UBE4B: variants seen among roughly 807,000 people sequenced by gnomAD.
UBE4B encodes the protein ubiquitination factor E4B.
A neutral mutation model predicts 148.1 loss-of-function variants in UBE4B; 27 were observed. The ratio of observed to expected loss-of-function variants is 0.18; its 90% confidence interval spans 0.13 to 0.25. The LOEUF (loss-of-function observed/expected upper bound fraction) is 0.25, where lower values mean the gene tolerates loss of function less well. Ranked by LOEUF, UBE4B falls within the 10% of genes least tolerant of loss-of-function variation. UBE4B has a pLI of 1.00. For missense variants in UBE4B, 1,170 were observed against 1,662.4 expected, an observed-to-expected ratio of 0.70 and a Z score of 5.15; for synonymous variants, 596 against 619.3, an observed-to-expected ratio of 0.96 and a Z score of 0.56.
chr1:10,067,270 TAAG>T (rs1225498059), intron 1 of UBE4B, among the ~76,000 whole-genome samples: 2 of 152,126 alleles, frequency 1.3e-5, no homozygotes, highest in African/African-American at 2.4e-5. Flanking sequence ...GTTTGTGAAA[TAAG>T]AACTGAAACA....
In UBE4B at chr1:10,101,787, G is replaced by A. The variant is rs534464928; in HGVS notation, c.435+592G>A. Among the ~76,000 whole-genome samples, 28 of 152,232 alleles carry A rather than the reference G, an allele frequency of 1.8e-4. No individual in the cohort carries two copies. In the South Asian group the frequency reaches 4.8e-3, roughly 26 times the overall value. ...CTTCCCAAAGTGTGGGATTACAGGC[G>A]TGAGCCACTGCGCCTGGCCTGGTCT... On this transcript the variant is annotated intron_variant, in intron 4 of 27. Transcript: ENST00000343090.
Position 10,130,853 on chromosome 1 carries a change from A to G in UBE4B, c.1911+40A>G, listed in dbSNP as rs201833160. 20 of 1,565,844 alleles carry G rather than the reference A, an allele frequency of 1.3e-5. 1 individual carries two copies. The East Asian group carries it at 4.3e-4, about 33-fold the overall frequency. ...AACAAATCCAGAGGAAGTATCAAAG[A>G]TGAGCTCCAGATACAGAGCTTTTAT... is the stretch of plus-strand genomic sequence containing the variant. On this transcript the variant is annotated intron_variant, in intron 14 of 27. Transcript: ENST00000343090.
In UBE4B at chr1:10,146,983, C is replaced by G. The variant is rs1258177726; in HGVS notation, c.2484C>G (p.Ala828=). The G allele has an allele frequency of 3.1e-6, 5 of 1,614,044 alleles. No individual in the cohort carries two copies. The highest frequency in any genetic ancestry group is 2.2e-5 in the South Asian group (2 of 91,070). The part of the protein sequence containing the change: ...TQLKKLVRCK[A]CADAGLLDES... ...CACAGAAACTGGTACGGTGCAAGGC[C>G]TGTGCTGATGCTGGCCTACTTGACG... The change falls in exon 19 of 28, where the codon GCC becomes GCG. Residue 828 remains alanine, a synonymous_variant. Transcript: ENST00000343090.
intron 17 of UBE4B, among the ~76,000 whole-genome samples, chr1:10,142,712 G>A (rs1003226771): frequency 6.6e-6 from 1 of 151,920 alleles, no homozygotes; most frequent in African/African-American, 2.4e-5. Flanking sequence ...AGGCTCTAGG[G>A]GAGAATCTCC....
intron 10 of UBE4B, 29 bp from the exon 11 acceptor site, chr1:10,126,765 T>C (rs1185745338): frequency 3.8e-6 from 6 of 1,568,724 alleles, no homozygotes; most frequent in South Asian, 3.3e-5. Flanking sequence ...CTTAAACTTA[T>C]ATTTCTGATT....
At chr1:10,042,560 T>C (rs1643812564) in intron 1 of UBE4B, among the ~76,000 whole-genome samples, 1 of 152,150 alleles carries the variant, frequency 6.6e-6, no homozygotes, top group South Asian at 2.1e-4. Context: ...GGCAGGAGAA[T>C]AGCTTGAACC....
At chr1:10,111,580 A>G (rs1645222811) in intron 7 of UBE4B, among the ~76,000 whole-genome samples, 1 of 152,210 alleles carries the variant, frequency 6.6e-6, no homozygotes, top group Non-Finnish European at 1.5e-5. Flanking sequence ...AGCAGTGCCT[A>G]GAACACAGAA....
chr1:10,046,840 T>C (rs1046295498), intron 1 of UBE4B, among the ~76,000 whole-genome samples: 1 of 152,216 alleles, frequency 6.6e-6, no homozygotes, highest in African/African-American at 2.4e-5. Flanking sequence ...CTGAAAACTT[T>C]GATTGTAGAC....
intron 1 of UBE4B, among the ~76,000 whole-genome samples, chr1:10,036,005 A>G (rs969463697): frequency 3.3e-5 from 5 of 151,800 alleles, no homozygotes; most frequent in African/African-American, 1.2e-4. Flanking sequence ...CGGCCTTCCA[A>G]AGTGCTGGGA....
chr1:10,098,363 A>G (rs1644961438), intron 3 of UBE4B, among the ~76,000 whole-genome samples: 1 of 152,182 alleles, frequency 6.6e-6, no homozygotes, highest in South Asian at 2.1e-4. Context: ...ATTCATGGTA[A>G]TAAGAAAATG....
intron 7 of UBE4B, among the ~76,000 whole-genome samples, chr1:10,114,613 C>T: frequency 6.6e-6 from 1 of 152,114 alleles, no homozygotes; most frequent in East Asian, 1.9e-4. Context: ...CCTGTAATCC[C>T]AGCACTTTGT....
At chr1:10,081,814 C>T (rs1387726120) in intron 2 of UBE4B, among the ~76,000 whole-genome samples, 1 of 152,150 alleles carries the variant, frequency 6.6e-6, no homozygotes, top group East Asian at 1.9e-4. Flanking sequence ...GTCTCGAACT[C>T]CTGACCTCAG....
intron 25 of UBE4B, among the ~76,000 whole-genome samples, chr1:10,172,266 G>A (rs1286103954): frequency 6.6e-6 from 1 of 152,160 alleles, no homozygotes; most frequent in South Asian, 2.1e-4. Flanking sequence ...TCCATGGTCC[G>A]TTCTGCCTCA....
chr1:10,086,116 C>T (rs574164085), intron 2 of UBE4B, among the ~76,000 whole-genome samples: 6 of 152,172 alleles, frequency 3.9e-5, no homozygotes, highest in South Asian at 4.1e-4. Flanking sequence ...GGACTACAGG[C>T]GCCCGCCACC....
At position 10,126,866 on chromosome 1, in the gene UBE4B, T is replaced by C; in HGVS notation, c.1627T>C (p.Tyr543His). 6.2e-7 allele frequency: 1 copy of C among 1,613,914 alleles called. No individual in the cohort carries two copies. The highest frequency in any genetic ancestry group is 8.5e-7 in the Non-Finnish European group (1 of 1,179,794). The change falls in exon 11 of 28, where the codon TAC becomes CAC. Residue 543 changes from tyrosine to histidine, a missense_variant. By Grantham distance (83) the Tyr-to-His change is moderately conservative. This residue lies in a region of UBE4B where 388 missense variants were observed against 536.0 expected (regional missense o/e 0.72). Coordinates refer to ENST00000343090, the MANE Select transcript of UBE4B (RefSeq NM_001105562.3). Reference sequence around the variant, plus strand: ...CTCCCTCGACAGTGACTACTTTAAATACCCCCTCATGGTAAAACTTTGTTC... The same window carrying C: ...CTCCCTCGACAGTGACTACTTTAAACACCCCCTCATGGTAAAACTTTGTTC... ...ECSLDSDYFK[Y>H]PLMALGELCE...
chr1:10,084,339 T>G (rs1226524598), intron 2 of UBE4B, among the ~76,000 whole-genome samples: 4 of 152,194 alleles, frequency 2.6e-5, no homozygotes, highest in Non-Finnish European at 1.5e-5. Flanking sequence ...CCAATTATAA[T>G]CTAATCCGAG....
At position 10,095,519 on chromosome 1, in the gene UBE4B, T is replaced by C. The variant is rs1644916808; in HGVS notation, c.270T>C (p.Ser90=). ...TCAGTTCTCTCAGCAGCTCGCCCTC[T>C]AATAGCCTTGAAACGCAATCTCAGT... ...EGVSSLSSSP[S]NSLETQSQSL... The change falls in exon 3 of 28, where the codon TCT becomes TCC. Residue 90 remains serine, a synonymous_variant. Coordinates refer to ENST00000343090, the MANE Select transcript of UBE4B (RefSeq NM_001105562.3). The C allele has an allele frequency of 1.9e-6, 3 of 1,614,090 alleles. No individual in the cohort carries two copies. Among genetic ancestry groups the C allele is most frequent in the African/African-American group, 1.3e-5 (1 of 74,934 alleles).
At chr1:10,144,898 C>T (rs1466085578) in intron 17 of UBE4B, 42 bp from the exon 18 acceptor site, 1 of 1,469,174 alleles carries the variant, frequency 6.8e-7, no homozygotes, top group African/African-American at 1.4e-5. Context: ...TAAGATGGAT[C>T]CGGCTGTTTT....
chr1:10,151,322 T>C lies in UBE4B; in HGVS notation c.2691-4T>C. ...TCTTTCTTGCTCTTCTTGCCTCTGT[T>C]CAGATACTCTCCCCAGGCGCTTTAT... On this transcript the variant is annotated splice_region_variant and splice_polypyrimidine_tract_variant and intron_variant, in intron 20 of 27. Transcript: ENST00000343090. The C allele has an allele frequency of 6.2e-7, 1 of 1,613,864 alleles. No individual in the cohort carries two copies. The highest frequency in any genetic ancestry group is 8.5e-7 in the Non-Finnish European group (1 of 1,179,908).
Sources: gnomAD v4.1 joint callset for allele counts (sites outside exome capture counted in the v4.1 genomes callset) on GRCh38, gnomAD v4.1.1 for gene constraint, gnomAD v4.1.1 regional missense constraint, MANE v1.5 for transcripts, NCBI Gene and HGNC (gene_info 2026-07-23, HGNC 2026-07-21) for gene names.